Variants in WDR87 observed in about 807,000 individuals in gnomAD.
WDR87 encodes WD repeat-containing protein 87.
Under a neutral mutation model 83.3 loss-of-function variants are expected in WDR87, and 56 were observed. The observed-to-expected ratio is 0.67, with a 90% CI of 0.54 to 0.84. The LOEUF (loss-of-function observed/expected upper bound fraction) is 0.84. Ranked by LOEUF, WDR87 falls within the 40% of genes least tolerant of loss-of-function variation. WDR87 has a pLI of 0.00. For synonymous variants in WDR87, 1,173 were observed against 1,250.6 expected, an observed-to-expected ratio of 0.94 and a Z score of 1.31; for missense variants, 2,939 against 3,431.9, an observed-to-expected ratio of 0.86 and a Z score of 3.59.
intron 1 of WDR87, among the ~76,000 whole-genome samples, chr19:37,898,537 C>T (rs1039698317): frequency 6.6e-5 from 10 of 152,140 alleles, no homozygotes; most frequent in African/African-American, 1.7e-4. Flanking sequence ...TGTCGTAACC[C>T]AGTAACATAT....
At chr19:37,903,539 T>G (rs1165086410) in intron 1 of WDR87, among the ~76,000 whole-genome samples, 2 of 152,180 alleles carry the variant, frequency 1.3e-5, no homozygotes, top group African/African-American at 2.4e-5. Context: ...CTTTTAATTC[T>G]TATTTATTTT....
intron 1 of WDR87, among the ~76,000 whole-genome samples, chr19:37,905,806 G>C (rs1043059551): frequency 2.6e-5 from 4 of 152,128 alleles, no homozygotes; most frequent in Non-Finnish European, 4.4e-5. Context: ...CTCCTGCCTC[G>C]GTGGCTCAAA....
In WDR87 at chr19:37,889,043, G is replaced by A. The variant is rs753367062; in HGVS notation, c.4628C>T (p.Ser1543Phe). The A allele has an allele frequency of 1.5e-5, 24 of 1,551,868 alleles. No homozygotes were observed. The highest frequency in any genetic ancestry group is 1.3e-4 in the South Asian group (11 of 84,060). ...EKLHQAGEKLSPEEEMLQEDK... is the reference protein window; with the variant it reads ...EKLHQAGEKLFPEEEMLQEDK... ...CTCCTGAAGCATTTCCTCCTCCGGG[G>A]ATAGCTTCTCTCCAGCCTGATGTAG... The change falls in exon 6 of 6, where the codon TCC becomes TTC. Residue 1543 changes from serine (S) to phenylalanine (F), a missense_variant. Around this residue, in one of 3 missense-constraint regions of WDR87, gnomAD observed 2,160 missense variants for 2,533.1 expected, o/e 0.85. Transcript: ENST00000447313.
intron 5 of WDR87, 33 bp downstream of exon 5, chr19:37,891,519 C>T (rs369095976): frequency 2.6e-6 from 4 of 1,547,124 alleles, no homozygotes; most frequent in Admixed American, 2.0e-5. Flanking sequence ...TCTTGGGGAC[C>T]CTGAGGCACA....
At chr19:37,900,611 A>G (rs933029574) in intron 1 of WDR87, among the ~76,000 whole-genome samples, 7 of 149,856 alleles carry the variant, frequency 4.7e-5, no homozygotes, top group African/African-American at 7.4e-5. Flanking sequence ...TTCTTCTACT[A>G]TATCAGAGGA....
chr19:37,902,099 C>G (rs2046297295), intron 1 of WDR87, among the ~76,000 whole-genome samples: 1 of 151,998 alleles, frequency 6.6e-6, no homozygotes, highest in African/African-American at 2.4e-5. Flanking sequence ...CTTGGGTTAG[C>G]CTCAGAGGAT....
At position 37,894,509 on chromosome 19, in the gene WDR87, G is replaced by C; in HGVS notation, c.1194C>G (p.Asp398Glu). 1 of 1,551,638 alleles carries C rather than the reference G, an allele frequency of 6.4e-7. No homozygotes were observed. The highest frequency in any genetic ancestry group is 8.7e-7 in the Non-Finnish European group (1 of 1,146,980). Residue 398 changes from aspartate (D) to glutamate (E), a missense_variant, in exon 4 of 6, where the codon GAC (aspartate) becomes GAG (glutamate). Transcript: ENST00000447313. Reference protein sequence around the residue: ...LLRFVSPVTGDLLVITWPFSI... With the variant: ...LLRFVSPVTGELLVITWPFSI... Reference sequence around the variant, plus strand: ...AGAAGGGCCAGGTGATAACCAGAAGGTCCCCTGTTACTGGGGACACAAAGC... The same window carrying C: ...AGAAGGGCCAGGTGATAACCAGAAGCTCCCCTGTTACTGGGGACACAAAGC...
chr19:37,899,416 C>CAAAAAAAAAAAAAAAAAAAAAAGAAAAA (rs11378161), intron 1 of WDR87, among the ~76,000 whole-genome samples: 1 of 79,260 alleles, frequency 1.3e-5, no homozygotes, highest in Non-Finnish European at 2.3e-5. Flanking sequence ...GACTCAGTCT[C>CAAAAAAAAAAAAAAAAAAAAAAGAAAAA]AAAAAAAAAA....
At chr19:37,897,398 C>T (rs780542772) in intron 2 of WDR87, among the ~76,000 whole-genome samples, 5 of 151,286 alleles carry the variant, frequency 3.3e-5, no homozygotes, top group Non-Finnish European at 5.9e-5. Context: ...TTAGTAGAGA[C>T]GGGATTTCAC....
intron 3 of WDR87, 70 bp downstream of exon 3, chr19:37,896,068 T>G (rs2046253044): frequency 1.3e-6 from 2 of 1,520,958 alleles, no homozygotes; most frequent in African/African-American, 2.8e-5. Flanking sequence ...CCTTTGTCAA[T>G]CTGGGCTAAC....
In WDR87 at chr19:37,893,816, A is replaced by T; in HGVS notation, c.1887T>A (p.Ser629=). The change falls in exon 4 of 6, where the codon TCT becomes TCA. Residue 629 remains serine, a synonymous_variant. Coordinates refer to ENST00000447313, the MANE Select transcript of WDR87 (RefSeq NM_001291088.2). The part of the protein sequence containing the change: ...SLFVTGSADG[S]VRIWDFHGRL... ...TGCCATGGAAGTCCCAGATCCGAAC[A>T]GAGCCATCGGCAGAACCTGTGACAA... The T allele has an allele frequency of 6.4e-7, 1 of 1,551,824 alleles. No individual in the cohort carries two copies. The highest frequency in any genetic ancestry group is 8.7e-7 in the Non-Finnish European group (1 of 1,147,026).
intron 1 of WDR87, among the ~76,000 whole-genome samples, chr19:37,903,127 G>A (rs2046303051): frequency 6.6e-6 from 1 of 152,198 alleles, no homozygotes. Context: ...GTGAGACAGG[G>A]CCCTGCATGG....
chr19:37,888,723 G>C lies in WDR87; in HGVS notation c.4948C>G (p.Gln1650Glu). The change falls in exon 6 of 6, where the codon CAG becomes GAG. Residue 1650 changes from glutamine to glutamate, a missense_variant. By Grantham distance (29) the Gln-to-Glu change is conservative. This residue lies in a region of WDR87 where 2,160 missense variants were observed against 2,533.1 expected (regional missense o/e 0.85). Transcript: ENST00000447313. Reference protein sequence around the residue: ...KLAQEERQLAQEERKLAQAYV... With the variant: ...KLAQEERQLAEEERKLAQAYV... ...GCCTGGGCCAGTTTTCTCTCTTCCT[G>C]GGCCAACTGTCTCTCTTCTTGTGCA... The C allele has an allele frequency of 6.4e-7, 1 of 1,551,846 alleles. No homozygotes were observed. Among genetic ancestry groups the C allele is most frequent in the Non-Finnish European group, 8.7e-7 (1 of 1,147,074 alleles).
intron 1 of WDR87, among the ~76,000 whole-genome samples, chr19:37,904,102 C>T (rs189050823): frequency 4.5e-4 from 68 of 152,134 alleles, no homozygotes; most frequent in Admixed American, 2.1e-3. Context: ...CGGGGTTTCA[C>T]CATGTTAGCC....
At chr19:37,897,211 T>G in intron 2 of WDR87, among the ~76,000 whole-genome samples, 1 of 148,764 alleles carries the variant, frequency 6.7e-6, no homozygotes, top group Non-Finnish European at 1.5e-5. Flanking sequence ...CCTGTTTTTT[T>G]TTTTTTTTTT....
In WDR87 at chr19:37,886,554, C is replaced by T; in HGVS notation, c.7117G>A (p.Glu2373Lys). The change falls in exon 6 of 6, where the codon GAA becomes AAA. Residue 2373 changes from glutamate to lysine, a missense_variant. By Grantham distance (56) the Glu-to-Lys change is moderately conservative. Coordinates refer to ENST00000447313, the MANE Select transcript of WDR87 (RefSeq NM_001291088.2). ...TCTTTTTCCCTGTCCACCTCTTCTT[C>T]CAATGAGCAGCTCTCCTCTTCCTCT... The part of the protein sequence containing the change: ...EEEEEESCSL[E>K]EEVDREKEIL... 2 of 1,505,026 alleles carry T rather than the reference C, an allele frequency of 1.3e-6. No homozygotes were observed. Among genetic ancestry groups the T allele is most frequent in the Non-Finnish European group, 8.8e-7 (1 of 1,131,400 alleles). The allele number at this position is 1,505,026 out of a possible 1,614,324, so 93.2% of individuals were successfully genotyped here.
intron 2 of WDR87, among the ~76,000 whole-genome samples, chr19:37,897,502 G>A (rs1166914512): frequency 6.6e-6 from 1 of 151,814 alleles, no homozygotes; most frequent in Non-Finnish European, 1.5e-5. Flanking sequence ...AAGCCACCAC[G>A]CCTGGCCCTG....
rs1010785684 is a variant in WDR87, at chr19:37,896,179, C to T, written c.205G>A (p.Ala69Thr). ...CYYFSDAHFF[A>T]SLSWVTSNTK... ...TTTGATGTCACCCAAGAGAGGGAGG[C>T]GAAGAAGTGGGCATCACTGAAGTAA... The change falls in exon 3 of 6, where the codon GCC (alanine) becomes ACC (threonine). Residue 69 changes from alanine to threonine, a missense_variant. Physicochemically the swap from Ala to Thr is moderately conservative, Grantham distance 58 (BLOSUM62 0). Coordinates refer to ENST00000447313, the MANE Select transcript of WDR87 (RefSeq NM_001291088.2). The T allele has an allele frequency of 2.1e-5, 33 of 1,552,072 alleles. No individual in the cohort carries two copies. The highest frequency in any genetic ancestry group is 2.7e-5 in the African/African-American group (2 of 72,988).
chr19:37,893,397 A>G lies in WDR87; in HGVS notation c.2306T>C (p.Leu769Ser). 3 of 1,552,206 alleles carry G rather than the reference A, an allele frequency of 1.9e-6. No homozygotes were observed. Among genetic ancestry groups the G allele is most frequent in the South Asian group, 1.2e-5 (1 of 84,060 alleles). ...VLLRSSMHYS[L>S]QDMEDWMQVS... ...CTGCATCCAATCTTCCATGTCCTGC[A>G]AAGAATAATGCATGGAGGAACGCAG... The change falls in exon 4 of 6, where the codon TTG (leucine) becomes TCG (serine). Residue 769 changes from leucine (L) to serine (S), a missense_variant. Leu to Ser is a moderately radical substitution (Grantham distance 145). Coordinates refer to ENST00000447313, the MANE Select transcript of WDR87 (RefSeq NM_001291088.2).
Sources: allele counts gnomAD v4.1 joint callset (sites outside exome capture counted in the v4.1 genomes callset), GRCh38; gene constraint gnomAD v4.1.1; regional missense constraint gnomAD v4.1.1; transcripts MANE v1.5; gene names NCBI Gene and HGNC (gene_info 2026-07-23, HGNC 2026-07-21).